Variants in DNAH17 observed in about 807,000 individuals in gnomAD.
DNAH17 encodes the protein axonemal beta dynein heavy chain 17.
In DNAH17, 376 loss-of-function variants were observed where a neutral mutation model predicts 485.6. The ratio of observed to expected loss-of-function variants is 0.77; its 90% CI spans 0.71 to 0.84. The LOEUF is 0.84. Among genes scored for constraint, DNAH17 ranks in the 40% least tolerant of loss-of-function variants. The pLI, the probability that DNAH17 is intolerant of heterozygous loss-of-function variation, is 0.00. For missense variants in DNAH17, 6,370 were observed against 5,839.3 expected (o/e 1.09, Z -2.96); for synonymous variants, 3,031 against 2,405.9 (o/e 1.26, Z -7.60).
At chr17:78,483,872 G>A (rs531338910) in intron 48 of DNAH17, among the ~76,000 whole-genome samples, 17 of 150,890 alleles carry the variant, frequency 1.1e-4, no homozygotes, top group South Asian at 2.1e-4. Context: ...CAAGGCGGGC[G>A]GATCACCTGA....
chr17:78,440,947 G>T, intron 72 of DNAH17, 104 bp downstream of exon 72: 5 of 1,375,304 alleles, frequency 3.6e-6, no homozygotes, highest in Non-Finnish European at 5.0e-6. Context: ...CCGCGTCTTG[G>T]GTGTGAAGTG....
intron 11 of DNAH17, among the ~76,000 whole-genome samples, chr17:78,566,087 C>T (rs183386870): frequency 2.6e-5 from 4 of 151,944 alleles, no homozygotes; most frequent in East Asian, 1.9e-4. Context: ...CTTCTAGGAA[C>T]GGAAGTAGAC....
intron 48 of DNAH17, among the ~76,000 whole-genome samples, chr17:78,481,860 C>T (rs2089363105): frequency 1.3e-5 from 2 of 151,874 alleles, no homozygotes; most frequent in African/African-American, 4.8e-5. Flanking sequence ...ACTAAAAATA[C>T]AAAAATTAGC....
At position 78,551,717 on chromosome 17, in the gene DNAH17, C is replaced by A. The variant is rs375334725; in HGVS notation, c.2288-79G>T. ...GGTGGCTCAAGCTTGTAATCTCAGCCCTTTGGGAGGTCAGGGCAGGCGAAT... is the reference window on the plus strand; with the variant it reads ...GGTGGCTCAAGCTTGTAATCTCAGCACTTTGGGAGGTCAGGGCAGGCGAAT... On this transcript the variant is annotated intron_variant, in intron 15 of 80. Coordinates refer to ENST00000389840, the MANE Select transcript of DNAH17 (RefSeq NM_173628.4). 2.0e-4 allele frequency: 287 copies of A among 1,407,492 alleles called. No individual in the cohort carries two copies. The African/African-American group carries it at 3.7e-3, about 18-fold the overall frequency. The allele number at this position is 1,407,492 out of a possible 1,614,324, so 87.2% of individuals were successfully genotyped here. A position where few individuals can be genotyped will look rare whatever the true frequency, so the allele number is the denominator to read the frequency against.
intron 77 of DNAH17, chr17:78,428,286 C>A (rs1025165701): frequency 8.8e-6 from 5 of 571,046 alleles, no homozygotes; most frequent in Non-Finnish European, 1.6e-5. Context: ...ATCCACACCC[C>A]CAAGGATCCC....
chr17:78,498,164 T>A (rs2090141081), intron 37 of DNAH17, among the ~76,000 whole-genome samples: 1 of 146,186 alleles, frequency 6.8e-6, no homozygotes, highest in East Asian at 2.0e-4. Flanking sequence ...CATAAATAAA[T>A]AAATAAATAA....
chr17:78,443,458 G>A (rs1006883358), intron 71 of DNAH17, among the ~76,000 whole-genome samples: 7 of 152,190 alleles, frequency 4.6e-5, no homozygotes, highest in Admixed American at 1.3e-4. Flanking sequence ...CACCACTCCC[G>A]GTCCCTGTCC....
intron 33 of DNAH17, chr17:78,502,208 G>A (rs189003379): frequency 2.5e-5 from 9 of 366,322 alleles, no homozygotes; most frequent in Non-Finnish European, 3.5e-5. Flanking sequence ...AGAGTAACAG[G>A]TTGCATAAGG....
chr17:78,542,302 T>C (rs1162030372), intron 17 of DNAH17, among the ~76,000 whole-genome samples: 2 of 151,972 alleles, frequency 1.3e-5, no homozygotes, highest in Non-Finnish European at 2.9e-5. Flanking sequence ...TTCCTACCAC[T>C]ATACCTGGCT....
At chr17:78,539,160 G>T (rs2091456332) in intron 18 of DNAH17, among the ~76,000 whole-genome samples, 1 of 152,112 alleles carries the variant, frequency 6.6e-6, no homozygotes, top group Admixed American at 6.5e-5. Flanking sequence ...AACCCAGGAG[G>T]TGGAGTTTGC....
chr17:78,533,732 C>T (rs948296667), intron 19 of DNAH17, among the ~76,000 whole-genome samples: 14 of 152,214 alleles, frequency 9.2e-5, no homozygotes, highest in South Asian at 2.1e-4. Flanking sequence ...TCACCCAGGC[C>T]GGAGTGCAGT....
intron 55 of DNAH17, among the ~76,000 whole-genome samples, chr17:78,467,071 G>C (rs945739297): frequency 6.6e-6 from 1 of 152,232 alleles, no homozygotes; most frequent in Non-Finnish European, 1.5e-5. Context: ...TCTAAAAAAG[G>C]CCGGGCAAAG....
intron 48 of DNAH17, 166 bp downstream of exon 48, chr17:78,484,702 C>G: frequency 2.4e-6 from 1 of 420,208 alleles, no homozygotes; most frequent in Non-Finnish European, 4.0e-6. Flanking sequence ...ACTTGGGGGC[C>G]CAGCTACGAC....
At chr17:78,462,778 A>C in intron 57 of DNAH17, 66 bp downstream of exon 57, 2 of 1,520,312 alleles carry the variant, frequency 1.3e-6, no homozygotes, top group Non-Finnish European at 1.8e-6. Context: ...TGCCTGTGAC[A>C]GTAGCAGCTC....
In DNAH17 at chr17:78,455,885, C is replaced by A. The variant is rs374927368; in HGVS notation, c.9978-49G>T. 4.0e-5 allele frequency: 58 copies of A among 1,463,084 alleles called. No homozygotes were observed. The African/African-American group carries it at 8.0e-4, about 20-fold the overall frequency. 90.6% of individuals were successfully genotyped at this position (1,463,084 alleles called of 1,614,324 possible). ...AAACATATTTGCACAAGTGAGGGGA[C>A]TGGACCAGACAAGCCTCCACCTCTG... is the stretch of plus-strand genomic sequence containing the variant. On this transcript the variant is annotated intron_variant, in intron 62 of 80. Coordinates refer to ENST00000389840, the MANE Select transcript of DNAH17 (RefSeq NM_173628.4).
At chr17:78,546,958 C>T (rs531502295) in intron 16 of DNAH17, among the ~76,000 whole-genome samples, 1 of 152,032 alleles carries the variant, frequency 6.6e-6, no homozygotes, top group African/African-American at 2.4e-5. Context: ...TTTAGGAATT[C>T]AGGATATGGT....
intron 58 of DNAH17, among the ~76,000 whole-genome samples, chr17:78,461,072 C>A (rs2088097001): frequency 6.6e-6 from 1 of 151,864 alleles, no homozygotes; most frequent in Admixed American, 6.6e-5. Context: ...CTCAGCCACC[C>A]CCAACCAGCA....
chr17:78,537,602 C>T, intron 18 of DNAH17, 121 bp from the exon 19 acceptor site: 1 of 1,173,058 alleles, frequency 8.5e-7, no homozygotes, highest in Non-Finnish European at 1.2e-6. Context: ...ATCTGGGAAG[C>T]TTCTGAGAGC....
chr17:78,480,638 C>G (rs756324797), intron 49 of DNAH17, 46 bp downstream of exon 49: 4 of 1,536,812 alleles, frequency 2.6e-6, no homozygotes, highest in South Asian at 1.1e-5. Context: ...AGAAGCAAGC[C>G]TCAGACTCAT....
Sources: gnomAD v4.1 joint callset for allele counts (sites outside exome capture counted in the v4.1 genomes callset) on GRCh38, gnomAD v4.1.1 for gene constraint, MANE v1.5 for transcripts, NCBI Gene and HGNC (gene_info 2026-07-23, HGNC 2026-07-21) for gene names.